MAGI3: variants seen among roughly 807,000 people sequenced by gnomAD.
MAGI3 encodes membrane associated guanylate kinase, WW and PDZ domain containing 3.
A neutral mutation model predicts 121.8 loss-of-function variants in MAGI3; 43 were observed. The observed-to-expected ratio is 0.35, with a 90% CI of 0.28 to 0.46. The LOEUF (loss-of-function observed/expected upper bound fraction) is 0.46, where lower values mean the gene tolerates loss of function less well. Among genes scored for constraint, MAGI3 ranks in the 20% least tolerant of loss-of-function variants. The pLI is 1.00. For missense variants in MAGI3, 1,547 were observed against 1,797.3 expected (o/e 0.86, Z 2.52); for synonymous variants, 553 against 639.3 (o/e 0.86, Z 2.04).
Position 113,502,728 on chromosome 1 carries a change from A to C in MAGI3, c.317-46787A>C, listed in dbSNP as rs1409250437. Among the ~76,000 whole-genome samples, 2 of 35,804 alleles carry C rather than the reference A, an allele frequency of 5.6e-5. 1 individual carries two copies. The highest frequency in any genetic ancestry group is 8.9e-5 in the Non-Finnish European group (2 of 22,410). 23.5% of individuals were successfully genotyped at this position (35,804 alleles called of 152,430 possible). A position where few individuals can be genotyped will look rare whatever the true frequency, so the allele number is the denominator to read the frequency against. On this transcript the variant is annotated intron_variant, in intron 1 of 20. Coordinates refer to ENST00000307546, the MANE Select transcript of MAGI3 (RefSeq NM_001142782.2). ...CCATCCCATTACTGGGTATATACCC[A>C]AAGGACTATAAATCATGCTGCTATA...
At position 113,672,667 on chromosome 1, in the gene MAGI3, T is replaced by G. The variant is rs750128743; in HGVS notation, c.2971T>G (p.Ser991Ala). The change falls in exon 18 of 21, where the codon TCT becomes GCT. Residue 991 changes from serine (S) to alanine (A), a missense_variant. Transcript: ENST00000307546. Reference sequence around the variant, plus strand: ...AGATGTCTCCACTTCTTACAGACATTCTTGGTCAGACCACAAGCACCTTGC... The same window carrying G: ...AGATGTCTCCACTTCTTACAGACATGCTTGGTCAGACCACAAGCACCTTGC... ...GKDVSTSYRH[S>A]WSDHKHLAQP... is the part of the protein sequence containing the mutation. The G allele has an allele frequency of 3.7e-6, 6 of 1,613,952 alleles. No homozygotes were observed. The African/African-American group carries it at 8.0e-5, about 22-fold the overall frequency.
chr1:113,447,232 A>G (rs548875242), intron 1 of MAGI3, among the ~76,000 whole-genome samples: 2 of 152,256 alleles, frequency 1.3e-5, no homozygotes, highest in Non-Finnish European at 2.9e-5. Context: ...TTTATAATGA[A>G]TGGAAATATA....
rs1368695510 is a variant in MAGI3, at chr1:113,684,094, T to C, written c.*80T>C. 2.8e-6 allele frequency: 4 copies of C among 1,403,740 alleles called. No homozygotes were observed. The highest frequency in any genetic ancestry group is 3.0e-5 in the Admixed American group (1 of 33,042). 87.0% of individuals were successfully genotyped at this position (1,403,740 alleles called of 1,614,324 possible). A position where few individuals can be genotyped will look rare whatever the true frequency, so the allele number is the denominator to read the frequency against. On this transcript the variant is annotated 3_prime_UTR_variant, in exon 21 of 21. Coordinates refer to ENST00000307546, the MANE Select transcript of MAGI3 (RefSeq NM_001142782.2). ...TTTCCAGAAAAAGCCTTTTTTTTTT[T>C]TTCAGATATTCTGAAACAGATAAGT...
At chr1:113,496,311 T>C (rs1165240900) in intron 1 of MAGI3, among the ~76,000 whole-genome samples, 1 of 152,194 alleles carries the variant, frequency 6.6e-6, no homozygotes, top group Non-Finnish European at 1.5e-5. Flanking sequence ...TCATCATGTG[T>C]TTCTGTCTCC....
intron 6 of MAGI3, among the ~76,000 whole-genome samples, chr1:113,611,643 A>T (rs1414637386): frequency 6.6e-6 from 1 of 152,074 alleles, no homozygotes; most frequent in African/African-American, 2.4e-5. Context: ...ATTGCACACC[A>T]TCTATTTCGT....
At chr1:113,495,702 A>G (rs938814386) in intron 1 of MAGI3, among the ~76,000 whole-genome samples, 1 of 152,372 alleles carries the variant, frequency 6.6e-6, no homozygotes, top group African/African-American at 2.4e-5. Flanking sequence ...ACAAATAAGC[A>G]GAGTAATGCA....
At position 113,448,885 on chromosome 1, in the gene MAGI3, G is replaced by A. The variant is rs138546178; in HGVS notation, c.316+57536G>A. Among the ~76,000 whole-genome samples, 1,129 of 152,228 alleles carry A rather than the reference G, an allele frequency of 7.4e-3. 17 individuals are homozygous for A. The highest frequency in any genetic ancestry group is 0.026 in the African/African-American group (1,072 of 41,556). ...CTGTAATTCCAGCACTTTGAGAGGC[G>A]AGGTGGGCAGATCACCTGAGGTCGG... is the stretch of plus-strand genomic sequence containing the variant. On this transcript the variant is annotated intron_variant, in intron 1 of 20. Coordinates refer to ENST00000307546, the MANE Select transcript of MAGI3 (RefSeq NM_001142782.2).
intron 1 of MAGI3, among the ~76,000 whole-genome samples, chr1:113,492,088 T>G (rs1656697237): frequency 6.6e-6 from 1 of 152,110 alleles, no homozygotes; most frequent in South Asian, 2.1e-4. Flanking sequence ...TAGGCCAATA[T>G]CCTTGATGAA....
chr1:113,539,298 CAGG>C (rs1310753272), intron 1 of MAGI3, among the ~76,000 whole-genome samples: 1 of 150,802 alleles, frequency 6.6e-6, no homozygotes, highest in Non-Finnish European at 1.5e-5. Flanking sequence ...GAGGCTGAGG[CAGG>C]AGAATTGCTT....
chr1:113,651,190 G>A lies in MAGI3; in HGVS notation c.2424G>A (p.Arg808=), dbSNP rs375071317. 5 of 1,611,450 alleles carry A rather than the reference G, an allele frequency of 3.1e-6. No homozygotes were observed. Among genetic ancestry groups the A allele is most frequent in the Non-Finnish European group, 4.2e-6 (5 of 1,179,346 alleles). Residue 808 remains arginine, a synonymous_variant, in exon 14 of 21, where the codon CGG becomes CGA. Transcript: ENST00000307546. ...RNGHVLLTVR[R]KIFYGEKQPE... ...GCCATGTGTTACTAACTGTCAGACG[G>A]AAGATCTTCTATGGAGGTGTGTGAA... is the stretch of plus-strand genomic sequence containing the variant.
chr1:113,509,789 A>G (rs1364797789), intron 1 of MAGI3, among the ~76,000 whole-genome samples: 1 of 138,866 alleles, frequency 7.2e-6, no homozygotes, highest in Non-Finnish European at 1.5e-5. Context: ...AATAAATACT[A>G]CCTAGGAGAA....
chr1:113,511,986 G>A (rs1244670566), intron 1 of MAGI3, among the ~76,000 whole-genome samples: 1 of 152,062 alleles, frequency 6.6e-6, no homozygotes, highest in Non-Finnish European at 1.5e-5. Context: ...ATAACCAAAG[G>A]TTTCCTCTTA....
intron 1 of MAGI3, among the ~76,000 whole-genome samples, chr1:113,533,102 A>T (rs1341228098): frequency 1.3e-5 from 2 of 152,222 alleles, no homozygotes; most frequent in Non-Finnish European, 2.9e-5. Flanking sequence ...GTAGCTAAAT[A>T]ACGTAGTATT....
At chr1:113,399,438 G>C (rs1369614446) in intron 1 of MAGI3, among the ~76,000 whole-genome samples, 1 of 152,072 alleles carries the variant, frequency 6.6e-6, no homozygotes, top group Admixed American at 6.6e-5. Flanking sequence ...CAATACTACA[G>C]GAAATGATCT....
In MAGI3 at chr1:113,428,312, A is replaced by G. The variant is rs1004973090; in HGVS notation, c.316+36963A>G. Among the ~76,000 whole-genome samples the G allele has an allele frequency of 8.5e-5, 13 of 152,116 alleles. No individual in the cohort carries two copies. The South Asian group carries it at 2.7e-3, about 31-fold the overall frequency. ...AGTCTATCTGGAATTGGGCATTTTT[A>G]TTTATTATGTGAGGGCTCAAGATTC... On this transcript the variant is annotated intron_variant, in intron 1 of 20. Transcript: ENST00000307546.
intron 6 of MAGI3, among the ~76,000 whole-genome samples, chr1:113,598,291 G>A (rs1649149093): frequency 1.3e-5 from 2 of 149,530 alleles, no homozygotes; most frequent in African/African-American, 2.5e-5. Flanking sequence ...AAAGTACTAG[G>A]TAACAATCAA....
At chr1:113,597,485 G>A (rs1345872386) in intron 6 of MAGI3, among the ~76,000 whole-genome samples, 1 of 152,142 alleles carries the variant, frequency 6.6e-6, no homozygotes, top group Admixed American at 6.6e-5. Flanking sequence ...CAATAAAGTT[G>A]TTTTTAAAAT....
intron 1 of MAGI3, among the ~76,000 whole-genome samples, chr1:113,465,886 AT>A (rs1270566196): frequency 6.6e-6 from 1 of 151,978 alleles, no homozygotes; most frequent in African/African-American, 2.4e-5. Flanking sequence ...ATCTGTTCTA[AT>A]AGTTTTTTTG....
At chr1:113,486,651 CTTTT>C (rs767164528) in intron 1 of MAGI3, among the ~76,000 whole-genome samples, 5 of 124,026 alleles carry the variant, frequency 4.0e-5, no homozygotes, top group Admixed American at 8.3e-5. Context: ...TCTTCAAAGT[CTTTT>C]TTTTTTTTTT....
Sources: allele counts gnomAD v4.1 joint callset (sites outside exome capture counted in the v4.1 genomes callset), GRCh38; gene constraint gnomAD v4.1.1; transcripts MANE v1.5; gene names NCBI Gene and HGNC (gene_info 2026-07-23, HGNC 2026-07-21).